DCC: variants seen among roughly 807,000 people sequenced by gnomAD.
DCC encodes DCC netrin 1 receptor.
In DCC, 58 loss-of-function variants were observed where a neutral mutation model predicts 172.5. That is an observed-to-expected ratio of 0.34 (90% confidence interval 0.27 to 0.42). DCC has a LOEUF of 0.42. DCC is among the 10% of genes least tolerant of loss of function. DCC has a pLI of 1.00. For synonymous variants in DCC, 709 were observed against 644.5 expected (o/e 1.10, Z -1.52); for missense variants, 1,740 against 1,791.0 (o/e 0.97, Z 0.51).
In DCC at chr18:52,926,955, CTATATATGGATATATATACA is replaced by C. The variant is rs1218551742; in HGVS notation, c.985+1603_985+1622del. ...TATATAAACGTATATGATATATACACTATATATGGATATATATACATATATATGGATATATATTTTGTAAT... is the reference window on the plus strand; with the variant it reads ...TATATAAACGTATATGATATATACACTATATATGGATATATATTTTGTAAT... On this transcript the variant is annotated intron_variant, in intron 5 of 28. Coordinates refer to ENST00000442544, the MANE Select transcript of DCC (RefSeq NM_005215.4). Among the ~76,000 whole-genome samples, 14 of 138,018 alleles carry C rather than the reference CTATATATGGATATATATACA, an allele frequency of 1.0e-4. No individual in the cohort carries two copies. The East Asian group carries it at 1.5e-3, about 15-fold the overall frequency. The allele number at this position is 138,018 out of a possible 152,430, so 90.5% of individuals were successfully genotyped here.
chr18:52,879,412 C>CTTGTTTTTTTTTTTTTTTTTT (rs2039448378), intron 2 of DCC, among the ~76,000 whole-genome samples: 1 of 62,356 alleles, frequency 1.6e-5, no homozygotes, highest in African/African-American at 6.9e-5. Flanking sequence ...TGTTGTTTGG[C>CTTGTTTTTTTTTTTTTTTTTT]TTTTTTTTTT....
At chr18:53,497,318 C>T (rs1013248430) in intron 26 of DCC, among the ~76,000 whole-genome samples, 2 of 152,242 alleles carry the variant, frequency 1.3e-5, no homozygotes, top group Non-Finnish European at 2.9e-5. Flanking sequence ...TCTTGAGAAT[C>T]CTTTGTGAAA....
At chr18:53,146,604 A>G (rs2043919872) in intron 7 of DCC, among the ~76,000 whole-genome samples, 1 of 152,160 alleles carries the variant, frequency 6.6e-6, no homozygotes, top group Non-Finnish European at 1.5e-5. Flanking sequence ...GGACAAAAAC[A>G]CTCAATTCAT....
chr18:52,509,004 T>C (rs553193897), intron 1 of DCC, among the ~76,000 whole-genome samples: 4 of 152,360 alleles, frequency 2.6e-5, no homozygotes, highest in African/African-American at 4.8e-5. Flanking sequence ...TTCACTTTAA[T>C]TGATTTTAAT....
At chr18:53,200,014 A>C (rs1312009734) in intron 9 of DCC, among the ~76,000 whole-genome samples, 1 of 152,230 alleles carries the variant, frequency 6.6e-6, no homozygotes, top group Non-Finnish European at 1.5e-5. Context: ...TTACACCAAC[A>C]AATCGAATGT....
chr18:53,291,207 G>A (rs1173322166), intron 12 of DCC, among the ~76,000 whole-genome samples: 1 of 151,882 alleles, frequency 6.6e-6, no homozygotes, highest in East Asian at 1.9e-4. Flanking sequence ...ATAAGATATT[G>A]TAAAAATTAT....
chr18:53,335,316 G>A lies in DCC; in HGVS notation c.2165-4397G>A, dbSNP rs145162105. On this transcript the variant is annotated intron_variant, in intron 14 of 28. Coordinates refer to ENST00000442544, the MANE Select transcript of DCC (RefSeq NM_005215.4). ...AGCATAGCACTTATCAAGATCTCAC[G>A]ATTGTCTTATTTGTTTATTAGGACT... is the stretch of plus-strand genomic sequence containing the variant. 1.6e-3 allele frequency among the ~76,000 whole-genome samples: 250 copies of A among 152,198 alleles called. 1 individual carries two copies. In the South Asian group the frequency reaches 0.017, roughly 10 times the overall value.
intron 1 of DCC, among the ~76,000 whole-genome samples, chr18:52,601,141 CT>C (rs2034009560): frequency 6.6e-6 from 1 of 152,096 alleles, no homozygotes; most frequent in African/African-American, 2.4e-5. Flanking sequence ...AGGTAGACAT[CT>C]GGCTGTATTA....
At chr18:53,118,446 G>A (rs1008711421) in intron 7 of DCC, among the ~76,000 whole-genome samples, 2 of 151,686 alleles carry the variant, frequency 1.3e-5, no homozygotes, top group African/African-American at 4.8e-5. Flanking sequence ...TGGCTTTTAC[G>A]AAATTTTAGA....
chr18:52,815,719 C>T (rs1220021572), intron 2 of DCC, among the ~76,000 whole-genome samples: 3 of 152,094 alleles, frequency 2.0e-5, no homozygotes, highest in East Asian at 1.9e-4. Context: ...GTATTTGAGG[C>T]ATAAAAGCTA....
chr18:53,249,982 G>A (rs911324220), intron 12 of DCC, among the ~76,000 whole-genome samples: 2 of 151,912 alleles, frequency 1.3e-5, no homozygotes, highest in African/African-American at 4.8e-5. Flanking sequence ...TTGGATTTTG[G>A]ATAGGAGTGA....
chr18:52,993,106 C>T (rs1179737384), intron 5 of DCC, among the ~76,000 whole-genome samples: 2 of 151,420 alleles, frequency 1.3e-5, no homozygotes, highest in Non-Finnish European at 2.9e-5. Context: ...GTTCTAGTTG[C>T]CATAAAGGTA....
intron 21 of DCC, among the ~76,000 whole-genome samples, chr18:53,428,080 T>TTATAATAATATATAATATATAATATAA (rs1388325270): frequency 4.6e-5 from 2 of 43,922 alleles, no homozygotes; most frequent in African/African-American, 7.2e-5. Context: ...ATATAATATA[T>TTATAATAATATATAATATATAATATAA]TATAATAATA....
intron 3 of DCC, among the ~76,000 whole-genome samples, chr18:52,910,979 TA>T (rs2145459051): frequency 6.6e-6 from 1 of 152,242 alleles, no homozygotes; most frequent in African/African-American, 2.4e-5. Flanking sequence ...TCTTCAGTTT[TA>T]AAACAAATAG....
At chr18:52,602,547 A>G (rs758703407) in intron 1 of DCC, among the ~76,000 whole-genome samples, 20 of 152,102 alleles carry the variant, frequency 1.3e-4, no homozygotes, top group Admixed American at 2.6e-4. Context: ...TCATAAGTTT[A>G]ATAAATTTTG....
At chr18:53,097,236 G>A (rs1337442922) in intron 7 of DCC, among the ~76,000 whole-genome samples, 1 of 152,088 alleles carries the variant, frequency 6.6e-6, no homozygotes, top group Admixed American at 6.5e-5. Context: ...CATCTTTAAA[G>A]CATTGAAAGG....
chr18:52,958,400 G>C (rs1451534734), intron 5 of DCC, among the ~76,000 whole-genome samples: 8 of 151,974 alleles, frequency 5.3e-5, no homozygotes. Flanking sequence ...ATTTGTACTT[G>C]GATATGAGAG....
intron 28 of DCC, chr18:53,530,308 C>A (rs962858129): frequency 1.1e-5 from 8 of 702,426 alleles, no homozygotes; most frequent in Admixed American, 2.0e-5. Flanking sequence ...TGATTTGAAA[C>A]CCAATCTTTT....
At chr18:53,136,152 T>C (rs1029271227) in intron 7 of DCC, among the ~76,000 whole-genome samples, 3 of 152,028 alleles carry the variant, frequency 2.0e-5, no homozygotes, top group African/African-American at 7.2e-5. Flanking sequence ...TGTGTATGTG[T>C]GTATGTATTA....
Sources: gnomAD v4.1 joint callset for allele counts (sites outside exome capture counted in the v4.1 genomes callset) on GRCh38, gnomAD v4.1.1 for gene constraint, MANE v1.5 for transcripts, NCBI Gene and HGNC (gene_info 2026-07-23, HGNC 2026-07-21) for gene names.